The following ANO3 variants were observed in gnomAD, a reference collection of about 807,000 sequenced individuals.
ANO3 encodes anoctamin 3, also known as anoctamin-3.
A neutral mutation model predicts 144.8 loss-of-function variants in ANO3; 99 were observed. That is an observed-to-expected ratio of 0.68 (90% confidence interval 0.58 to 0.81). The LOEUF (loss-of-function observed/expected upper bound fraction) is 0.81. Among genes scored for constraint, ANO3 ranks in the 30% least tolerant of loss-of-function variants. The pLI is 0.00. For missense variants in ANO3, 905 were observed against 1,202.2 expected (o/e 0.75, Z 3.66); for synonymous variants, 414 against 392.6 (o/e 1.05, Z -0.64).
intron 1 of ANO3, among the ~76,000 whole-genome samples, chr11:26,215,865 A>G (rs185436366): frequency 1.6e-3 from 243 of 152,072 alleles, no homozygotes; most frequent in African/African-American, 5.5e-3. Context: ...TCCACAATCT[A>G]CTATCCAATT....
rs185765879 is a variant in ANO3, at chr11:26,204,112, A to T, written c.154+14782A>T. Among the ~76,000 whole-genome samples the T allele has an allele frequency of 3.6e-3, 539 of 151,830 alleles. 2 individuals are homozygous for T. The highest frequency in any genetic ancestry group is 5.3e-3 in the Non-Finnish European group (358 of 67,872). ...ATGGTTTTTTTAGTGTTTTCTGGAG[A>T]CTTTCCCTGATCAAAACCTCTACAC... is the stretch of plus-strand genomic sequence containing the variant. On this transcript the variant is annotated intron_variant, in intron 1 of 27. Coordinates refer to the ANO3 transcript ENST00000672621.
chr11:26,224,556 G>A (rs1048870375), intron 1 of ANO3, among the ~76,000 whole-genome samples: 1 of 152,152 alleles, frequency 6.6e-6, no homozygotes, highest in African/African-American at 2.4e-5. Context: ...TATGCCCTGT[G>A]TGCACACTGC....
Position 26,633,947 on chromosome 11 carries a change from G to A in ANO3, c.1874-257G>A, listed in dbSNP as rs141038847. On this transcript the variant is annotated intron_variant, in intron 18 of 26. Transcript: ENST00000256737. Reference sequence around the variant, plus strand: ...CAAAAAATTAGCCAGGCATGGTGGCGGGCGCTTATAATCCCAGCTACTTGG... The same window carrying A: ...CAAAAAATTAGCCAGGCATGGTGGCAGGCGCTTATAATCCCAGCTACTTGG... Among the ~76,000 whole-genome samples, 632 of 151,954 alleles carry A rather than the reference G, an allele frequency of 4.2e-3. 4 individuals are homozygous for A. Among genetic ancestry groups the A allele is most frequent in the African/African-American group, 8.6e-3 (358 of 41,468 alleles).
At chr11:26,440,218 C>T (rs761518294) in intron 1 of ANO3, among the ~76,000 whole-genome samples, 19 of 152,080 alleles carry the variant, frequency 1.2e-4, no homozygotes, top group East Asian at 5.8e-4. Flanking sequence ...CATATGTATT[C>T]GTCTGTTTTC....
At chr11:26,324,348 G>A (rs185899541) in intron 1 of ANO3, among the ~76,000 whole-genome samples, 1 of 152,242 alleles carries the variant, frequency 6.6e-6, no homozygotes, top group East Asian at 1.9e-4. Flanking sequence ...CGGAAGTGAA[G>A]GTGTAGGCAA....
intron 1 of ANO3, among the ~76,000 whole-genome samples, chr11:26,213,177 T>A (rs1851969566): frequency 6.6e-6 from 1 of 152,100 alleles, no homozygotes; most frequent in Admixed American, 6.5e-5. Context: ...GCCAGTATCA[T>A]ACTAAATGGG....
At chr11:26,447,986 A>G (rs1309397548) in intron 3 of ANO3, among the ~76,000 whole-genome samples, 1 of 152,130 alleles carries the variant, frequency 6.6e-6, no homozygotes, top group Non-Finnish European at 1.5e-5. Context: ...TGTGGCTATA[A>G]ACTCAGGTAA....
chr11:26,356,908 A>C (rs968586143), intron 1 of ANO3, among the ~76,000 whole-genome samples: 2 of 152,050 alleles, frequency 1.3e-5, no homozygotes, highest in Admixed American at 1.3e-4. Flanking sequence ...TTGTAGTCAA[A>C]TTTCTCTTCT....
Position 26,296,469 on chromosome 11 carries a change from G to C in ANO3, c.155-13176G>C, listed in dbSNP as rs993359030. Among the ~76,000 whole-genome samples the C allele has an allele frequency of 2.6e-5, 4 of 152,162 alleles. No individual in the cohort carries two copies. In the East Asian group the frequency reaches 7.7e-4, roughly 29 times the overall value. On this transcript the variant is annotated intron_variant, in intron 1 of 27. Coordinates refer to the ANO3 transcript ENST00000672621. ...CTCTTTTACCAGCCTATGAGGGAGA[G>C]AAAATATAATATGACTTCTGGGTAG...
intron 1 of ANO3, among the ~76,000 whole-genome samples, chr11:26,190,970 T>C (rs899344910): frequency 6.6e-6 from 1 of 152,220 alleles, no homozygotes; most frequent in East Asian, 1.9e-4. Context: ...TGTATGCATA[T>C]TGGTTAATAT....
At chr11:26,283,311 C>G (rs1276651104) in intron 1 of ANO3, among the ~76,000 whole-genome samples, 2 of 72,686 alleles carry the variant, frequency 2.8e-5, no homozygotes, top group Admixed American at 1.9e-4. Flanking sequence ...CCAAAATAAA[C>G]AAATAAATAA....
upstream of ANO3, among the ~76,000 whole-genome samples, chr11:26,328,889 T>G (rs1267436208): frequency 1.3e-5 from 2 of 152,162 alleles, no homozygotes; most frequent in East Asian, 3.9e-4. Flanking sequence ...ATATTACCCT[T>G]TACTCAACTT....
chr11:26,490,209 A>G (rs1447978507), intron 4 of ANO3, among the ~76,000 whole-genome samples: 2 of 152,174 alleles, frequency 1.3e-5, no homozygotes, highest in Non-Finnish European at 2.9e-5. Context: ...TGGGTTTATC[A>G]GGGGTTTCCA....
chr11:26,372,882 C>G (rs189515406), intron 1 of ANO3, among the ~76,000 whole-genome samples: 1 of 151,788 alleles, frequency 6.6e-6, no homozygotes, highest in Non-Finnish European at 1.5e-5. Flanking sequence ...TTATAAACAT[C>G]AGATTTTTCA....
chr11:26,555,524 A>G (rs1374992066), intron 13 of ANO3, among the ~76,000 whole-genome samples: 1 of 152,178 alleles, frequency 6.6e-6, no homozygotes, highest in Non-Finnish European at 1.5e-5. Flanking sequence ...GAACAGAGAA[A>G]GGTACATTTA....
intron 17 of ANO3, among the ~76,000 whole-genome samples, chr11:26,613,402 C>A (rs76413652): frequency 0.031 from 4,663 of 152,048 alleles, 102 homozygotes; most frequent in Non-Finnish European, 0.049. Context: ...TTTCGGATTT[C>A]ATTGAATCAT....
chr11:26,293,193 GA>G (rs1853999956), intron 1 of ANO3, among the ~76,000 whole-genome samples: 1 of 152,072 alleles, frequency 6.6e-6, no homozygotes, highest in Non-Finnish European at 1.5e-5. Flanking sequence ...GGCCATCGAT[GA>G]AAACATTATT....
rs984907407 is a variant in ANO3 at position 26,311,847 on chromosome 11, T to C, written c.-3+2128T>C. On this transcript the variant is annotated intron_variant, in intron 1 of 26. Coordinates refer to the ANO3 transcript ENST00000525139. ...AACTGATTAAAAGCCTTCTCTTGTTTTTTAAAAAACTTTTTATTATACTTT... is the reference window on the plus strand; with the variant it reads ...AACTGATTAAAAGCCTTCTCTTGTTCTTTAAAAAACTTTTTATTATACTTT... Among the ~76,000 whole-genome samples, 5 of 152,214 alleles carry C rather than the reference T, an allele frequency of 3.3e-5. No homozygotes were observed. The South Asian group carries it at 6.2e-4, about 19-fold the overall frequency.
rs191749566 is a variant in ANO3 at position 26,609,974 on chromosome 11, C to T, written c.1836+10260C>T. 3.9e-5 allele frequency among the ~76,000 whole-genome samples: 6 copies of T among 152,300 alleles called. No homozygotes were observed. The East Asian group carries it at 5.8e-4, about 15-fold the overall frequency. ...TTGCCCAGGCTGGACTGCAATGGCG[C>T]GATCTCAGCTCACTGCAAACTTCAC... On this transcript the variant is annotated intron_variant, in intron 17 of 26. Coordinates refer to ENST00000256737, the MANE Select transcript of ANO3 (RefSeq NM_031418.4).
Sources: gnomAD v4.1 joint callset for allele counts (sites outside exome capture counted in the v4.1 genomes callset) on GRCh38, gnomAD v4.1.1 for gene constraint, MANE v1.5 for transcripts, NCBI Gene and HGNC (gene_info 2026-07-23, HGNC 2026-07-21) for gene names.